The following LPP variants were observed in gnomAD, a reference collection of about 807,000 sequenced individuals.
The protein encoded by LPP is lipoma-preferred partner.
A neutral mutation model predicts 60.4 loss-of-function variants in LPP; 38 were observed. The observed-to-expected ratio is 0.63, with a 90% CI of 0.49 to 0.83. The LOEUF (loss-of-function observed/expected upper bound fraction) is 0.83, where lower values mean the gene tolerates loss of function less well. Among genes scored for constraint, LPP ranks in the 40% least tolerant of loss-of-function variants. The probability of loss-of-function intolerance (pLI) is 0.00; values close to 1 mark genes in which losing one functional copy is unlikely to be tolerated. For missense variants in LPP, 902 were observed against 783.6 expected, an observed-to-expected ratio of 1.15 and a Z score of -1.80; for synonymous variants, 328 against 290.8, an observed-to-expected ratio of 1.13 and a Z score of -1.30.
In LPP at chr3:188,406,242, C is replaced by A. The variant is rs1244622370; in HGVS notation, c.122C>A (p.Pro41Gln). The A allele has an allele frequency of 2.0e-5, 32 of 1,614,058 alleles. No individual in the cohort carries two copies. The highest frequency in any genetic ancestry group is 2.6e-5 in the Non-Finnish European group (31 of 1,180,016). ...NPSISVSTQQ[P>Q]PKKFAPVVAP... ...AGCATTTCAGTGTCTACACAACAGC[C>A]ACCCAAAAAGTTTGCCCCGGTAGTT... is the stretch of plus-strand genomic sequence containing the variant. Residue 41 changes from proline (P) to glutamine (Q), a missense_variant, in exon 4 of 12, where the codon CCA (proline) becomes CAA (glutamine). Physicochemically the swap from Pro to Gln is moderately conservative, Grantham distance 76 (BLOSUM62 -1). Coordinates refer to ENST00000617246, the MANE Select transcript of LPP (RefSeq NM_001375462.1).
intron 1 of LPP, among the ~76,000 whole-genome samples, chr3:188,214,622 G>A (rs1057408795): frequency 1.8e-4 from 27 of 152,196 alleles, no homozygotes; most frequent in African/African-American, 6.3e-4. Flanking sequence ...TGAAGCAAGT[G>A]GGAGGAGGGA....
intron 9 of LPP, among the ~76,000 whole-genome samples, chr3:188,847,867 A>G (rs1761834446): frequency 6.6e-6 from 1 of 152,208 alleles, no homozygotes; most frequent in Admixed American, 6.5e-5. Flanking sequence ...ATGAGTGATA[A>G]CCATTATGGA....
intron 7 of LPP, among the ~76,000 whole-genome samples, chr3:188,623,890 G>T (rs4686487): frequency 2.0e-5 from 3 of 152,060 alleles, no homozygotes; most frequent in African/African-American, 4.8e-5. Context: ...GCTTCAGGTC[G>T]TCTCTTCCTT....
rs118095328 is a variant in LPP, at chr3:188,225,030, T to C, written c.-189-375T>C. Among the ~76,000 whole-genome samples, 12 of 152,342 alleles carry C rather than the reference T, an allele frequency of 7.9e-5. No homozygotes were observed. The East Asian group carries it at 2.1e-3, about 27-fold the overall frequency. ...CTAAAGTTCAAAGAACATTAGGTCCTATAGTTAGAAATTTGTCTCCAAACT... is the reference window on the plus strand; with the variant it reads ...CTAAAGTTCAAAGAACATTAGGTCCCATAGTTAGAAATTTGTCTCCAAACT... On this transcript the variant is annotated intron_variant, in intron 1 of 11. Transcript: ENST00000617246.
intron 6 of LPP, among the ~76,000 whole-genome samples, chr3:188,559,652 G>A (rs1252249307): frequency 6.6e-6 from 1 of 151,896 alleles, no homozygotes; most frequent in Admixed American, 6.6e-5. Flanking sequence ...CCCTCTGTCC[G>A]AGTCATTCAA....
chr3:188,233,797 A>G (rs1720936298), intron 2 of LPP, among the ~76,000 whole-genome samples: 1 of 152,010 alleles, frequency 6.6e-6, no homozygotes, highest in Admixed American at 6.6e-5. Flanking sequence ...AAAAATCAGC[A>G]TTTACAACTC....
intron 3 of LPP, among the ~76,000 whole-genome samples, chr3:188,386,713 G>C (rs145965665): frequency 6.6e-6 from 1 of 152,230 alleles, no homozygotes; most frequent in Admixed American, 6.5e-5. Flanking sequence ...CTTTAACTGA[G>C]CTCTGAAATT....
chr3:188,729,175 A>T (rs892594749), intron 8 of LPP, among the ~76,000 whole-genome samples: 3 of 152,218 alleles, frequency 2.0e-5, no homozygotes, highest in African/African-American at 7.2e-5. Context: ...AAAGGTATAG[A>T]GGTAGGAAAA....
At chr3:188,584,844 T>C (rs919966821) in intron 6 of LPP, among the ~76,000 whole-genome samples, 6 of 152,102 alleles carry the variant, frequency 3.9e-5, no homozygotes, top group African/African-American at 1.4e-4. Context: ...TTAAAACTGG[T>C]GAAGATGGCC....
At chr3:188,240,066 A>T (rs1277522721) in intron 2 of LPP, 2 of 197,356 alleles carry the variant, frequency 1.0e-5, no homozygotes, top group East Asian at 7.8e-5. Flanking sequence ...GATCTCTGGT[A>T]TTGCTGTCCT....
At chr3:188,390,053 A>C (rs1293089144) in intron 3 of LPP, among the ~76,000 whole-genome samples, 1 of 152,188 alleles carries the variant, frequency 6.6e-6, no homozygotes, top group African/African-American at 2.4e-5. Context: ...AGATCCATAG[A>C]GGACCCACAG....
chr3:188,361,529 CT>C (rs1411474702), intron 3 of LPP, among the ~76,000 whole-genome samples: 16 of 132,794 alleles, frequency 1.2e-4, no homozygotes, highest in Non-Finnish European at 2.3e-4. Context: ...CTCCTCTCCT[CT>C]CCTCTCCTCT....
At chr3:188,568,045 T>A (rs1277196506) in intron 6 of LPP, 1 of 152,120 alleles carries the variant, frequency 6.6e-6, no homozygotes, top group East Asian at 1.9e-4. Flanking sequence ...TGGACCCAAT[T>A]GTTAGTTGTG....
At chr3:188,759,359 A>G (rs1039609500) in intron 8 of LPP, 2 of 152,232 alleles carry the variant, frequency 1.3e-5, no homozygotes, top group African/African-American at 4.8e-5. Context: ...AAAACCCTAC[A>G]GTATATGAAA....
intron 3 of LPP, among the ~76,000 whole-genome samples, chr3:188,403,148 A>G (rs1348218913): frequency 6.6e-6 from 1 of 152,184 alleles, no homozygotes; most frequent in Non-Finnish European, 1.5e-5. Flanking sequence ...GTGCTTCTTC[A>G]TGGAGGGCAG....
chr3:188,226,827 C>G (rs1473463357), intron 2 of LPP, among the ~76,000 whole-genome samples: 2 of 152,154 alleles, frequency 1.3e-5, no homozygotes, highest in Non-Finnish European at 2.9e-5. Context: ...TGTTTTGTCT[C>G]TCTGTCTTTT....
intron 6 of LPP, among the ~76,000 whole-genome samples, chr3:188,563,051 C>A (rs1831115095): frequency 6.6e-6 from 1 of 151,834 alleles, no homozygotes; most frequent in East Asian, 1.9e-4. Context: ...AAATCATCAT[C>A]CCACTATTAC....
intron 3 of LPP, among the ~76,000 whole-genome samples, chr3:188,349,988 A>G: frequency 6.6e-6 from 1 of 152,126 alleles, no homozygotes; most frequent in South Asian, 2.1e-4. Flanking sequence ...CAGCTGGTCT[A>G]GTAAAAAGCT....
chr3:188,664,606 T>C (rs1855355514), intron 7 of LPP, among the ~76,000 whole-genome samples: 1 of 151,948 alleles, frequency 6.6e-6, no homozygotes, highest in Non-Finnish European at 1.5e-5. Context: ...TGTGTATGTG[T>C]GTGTGTGTGT....
Sources: allele counts gnomAD v4.1 joint callset (sites outside exome capture counted in the v4.1 genomes callset), GRCh38; gene constraint gnomAD v4.1.1; transcripts MANE v1.5; gene names NCBI Gene and HGNC (gene_info 2026-07-23, HGNC 2026-07-21).